PPARGC1A: variants seen among roughly 807,000 people sequenced by gnomAD.
The protein encoded by PPARGC1A is peroxisome proliferator-activated receptor gamma coactivator 1-alpha.
PPARGC1A carries 25 observed loss-of-function variants against 88.7 expected under a neutral mutation model. The observed-to-expected ratio is 0.28, with a 90% CI of 0.21 to 0.39. The LOEUF (loss-of-function observed/expected upper bound fraction) is 0.39, where lower values mean the gene tolerates loss of function less well. PPARGC1A is among the 10% of genes least tolerant of loss of function. PPARGC1A has a pLI of 1.00. For synonymous variants in PPARGC1A, 363 were observed against 355.6 expected, an observed-to-expected ratio of 1.02 and a Z score of -0.24; for missense variants, 880 against 968.7, an observed-to-expected ratio of 0.91 and a Z score of 1.22.
the PPARGC1A span, among the ~76,000 whole-genome samples, chr4:24,088,025 TA>T: frequency 6.6e-6 from 1 of 152,100 alleles, no homozygotes; most frequent in Non-Finnish European, 1.5e-5. Flanking sequence ...ATGAAAGAGT[TA>T]AAGTATGAAT....
Position 23,801,850 on chromosome 4 carries a change from T to C in PPARGC1A, c.2173A>G (p.Thr725Ala), listed in dbSNP as rs775632822. The C allele has an allele frequency of 1.9e-6, 3 of 1,613,972 alleles. No individual in the cohort carries two copies. The African/African-American group carries it at 4.0e-5, about 22-fold the overall frequency. Residue 725 changes from threonine to alanine, a missense_variant, in exon 12 of 13, where the codon ACC (threonine) becomes GCC (alanine). Physicochemically the swap from Thr to Ala is moderately conservative, Grantham distance 58. Coordinates refer to ENST00000264867, the MANE Select transcript of PPARGC1A (RefSeq NM_013261.5). ...TCAAGAGCAGCAAAAGCATCACAGG[T>C]ATAACGGTAGGTAATGAAACCATAG... ...DSYGFITYRY[T>A]CDAFAALENG... is the part of the protein sequence containing the mutation.
chr4:24,236,782 C>T, the PPARGC1A span, among the ~76,000 whole-genome samples: 1 of 152,180 alleles, frequency 6.6e-6, no homozygotes, highest in African/African-American at 2.4e-5. Context: ...GGATGACTCA[C>T]CATTTTTCTG....
the PPARGC1A span, among the ~76,000 whole-genome samples, chr4:23,962,270 G>T: frequency 1.3e-5 from 2 of 152,104 alleles, no homozygotes; most frequent in African/African-American, 4.8e-5. Flanking sequence ...AGAAAGTAAA[G>T]CAACCCGGAA....
chr4:24,087,257 G>A, the PPARGC1A span, among the ~76,000 whole-genome samples: 2 of 152,284 alleles, frequency 1.3e-5, no homozygotes, highest in East Asian at 3.9e-4. Context: ...CGAAGGCTTA[G>A]GAACCTGTCT....
At chr4:24,236,398 G>A in the PPARGC1A span, among the ~76,000 whole-genome samples, 2,901 of 152,258 alleles carry the variant, frequency 0.019, 35 homozygotes, top group Non-Finnish European at 0.029. Context: ...TGAAGACAGA[G>A]GACTTCCAGG....
intron 7 of PPARGC1A, among the ~76,000 whole-genome samples, chr4:23,815,524 G>T (rs1012250998): frequency 6.6e-6 from 1 of 152,050 alleles, no homozygotes; most frequent in Non-Finnish European, 1.5e-5. Context: ...GGAAGAAAGA[G>T]GAACAGCCAT....
At chr4:23,920,451 A>G in the PPARGC1A span, among the ~76,000 whole-genome samples, 1 of 152,224 alleles carries the variant, frequency 6.6e-6, no homozygotes, top group African/African-American at 2.4e-5. Flanking sequence ...TTTGTCATCC[A>G]TTACCACTGA....
the PPARGC1A span, among the ~76,000 whole-genome samples, chr4:23,983,397 G>T: frequency 6.6e-6 from 1 of 152,086 alleles, no homozygotes; most frequent in African/African-American, 2.4e-5. Flanking sequence ...AAAATCAGAT[G>T]CAGTGCCTTT....
chr4:24,050,194 C>CTTTTTTTTT, the PPARGC1A span, among the ~76,000 whole-genome samples: 13 of 127,808 alleles, frequency 1.0e-4, 5 homozygotes, highest in Non-Finnish European at 3.2e-5. Flanking sequence ...CTTAGGTGAC[C>CTTTTTTTTT]TTTTGTTTTT....
chr4:24,410,395 A>T, the PPARGC1A span, among the ~76,000 whole-genome samples: 1 of 152,330 alleles, frequency 6.6e-6, no homozygotes, highest in Non-Finnish European at 1.5e-5. Context: ...GCGTGTGTTC[A>T]TCTTTTCTAT....
the PPARGC1A span, among the ~76,000 whole-genome samples, chr4:24,181,231 T>C: frequency 6.6e-6 from 1 of 152,232 alleles, no homozygotes; most frequent in Non-Finnish European, 1.5e-5. Context: ...AGTCAGTATC[T>C]ACAAGAGTGA....
the PPARGC1A span, among the ~76,000 whole-genome samples, chr4:24,128,531 A>AGTGTGTGTGTGTGT: frequency 5.3e-4 from 73 of 138,274 alleles, no homozygotes; most frequent in East Asian, 2.2e-3. Context: ...AGCCTGTCAC[A>AGTGTGTGTGTGTGT]GTGTGTGTGT....
chr4:24,123,923 A>AAC, the PPARGC1A span, among the ~76,000 whole-genome samples: 26 of 145,328 alleles, frequency 1.8e-4, no homozygotes, highest in Admixed American at 9.5e-4. Context: ...AAAAAAAAAA[A>AAC]AACAAAAAAA....
At chr4:24,397,855 T>C in the PPARGC1A span, among the ~76,000 whole-genome samples, 32 of 152,250 alleles carry the variant, frequency 2.1e-4, no homozygotes, top group African/African-American at 7.7e-4. Context: ...TATAAAATGC[T>C]AGTACTTACA....
intron 2 of PPARGC1A, among the ~76,000 whole-genome samples, chr4:23,876,486 A>G (rs992672984): frequency 6.6e-6 from 1 of 152,166 alleles, no homozygotes; most frequent in African/African-American, 2.4e-5. Flanking sequence ...TCAGAGCTCC[A>G]GCTATGCATA....
the PPARGC1A span, among the ~76,000 whole-genome samples, chr4:24,081,035 T>C: frequency 6.6e-6 from 1 of 152,060 alleles, no homozygotes; most frequent in East Asian, 1.9e-4. Flanking sequence ...GAAGAGAACA[T>C]TGAGTACATT....
chr4:24,103,513 CAAG>C, the PPARGC1A span, among the ~76,000 whole-genome samples: 3 of 146,678 alleles, frequency 2.0e-5, no homozygotes, highest in Non-Finnish European at 4.4e-5. Flanking sequence ...ACAGCTGCTG[CAAG>C]AAGCACTAGT....
chr4:23,857,443 A>T (rs1034993658), intron 2 of PPARGC1A, among the ~76,000 whole-genome samples: 15 of 150,592 alleles, frequency 1.0e-4, no homozygotes, highest in Non-Finnish European at 2.1e-4. Context: ...TTATCTGCAT[A>T]TGCATACAGA....
chr4:24,060,325 A>C, the PPARGC1A span, among the ~76,000 whole-genome samples: 1 of 152,250 alleles, frequency 6.6e-6, no homozygotes, highest in Admixed American at 6.5e-5. Flanking sequence ...CAATTTCAGG[A>C]AATATACCCC....
Sources: allele counts gnomAD v4.1 joint callset (sites outside exome capture counted in the v4.1 genomes callset), GRCh38; gene constraint gnomAD v4.1.1; transcripts MANE v1.5; gene names NCBI Gene and HGNC (gene_info 2026-07-23, HGNC 2026-07-21).